Variants in CCDC73 observed in about 807,000 individuals in gnomAD.
The protein encoded by CCDC73 is coiled-coil domain-containing protein 73.
A neutral mutation model predicts 116.5 loss-of-function variants in CCDC73; 95 were observed. That is an observed-to-expected ratio of 0.82 (90% CI 0.69 to 0.97). The LOEUF is 0.97. Ranked by LOEUF, CCDC73 falls within the 50% of genes least tolerant of loss-of-function variation. CCDC73 has a pLI of 0.00. For synonymous variants in CCDC73, 398 were observed against 401.3 expected, an observed-to-expected ratio of 0.99 and a Z score of 0.10; for missense variants, 1,066 against 1,206.8, an observed-to-expected ratio of 0.88 and a Z score of 1.73.
At chr11:32,767,486 T>C (rs1180461725) in intron 1 of CCDC73, among the ~76,000 whole-genome samples, 1 of 152,114 alleles carries the variant, frequency 6.6e-6, no homozygotes, top group Non-Finnish European at 1.5e-5. Flanking sequence ...CTAATTAAAC[T>C]AAAGAGTTTC....
Position 32,718,996 on chromosome 11 carries a change from T to TCCA in CCDC73, c.136-852_136-850dup, listed in dbSNP as rs561931137. Among the ~76,000 whole-genome samples, 79 of 152,070 alleles carry TCCA rather than the reference T, an allele frequency of 5.2e-4. 1 individual carries two copies. In the South Asian group the frequency reaches 0.013, roughly 25 times the overall value. On this transcript the variant is annotated intron_variant, in intron 2 of 17. Transcript: ENST00000335185. Reference sequence around the variant, plus strand: ...AGAGAACGCCCTTCTTCCCCTATCTTCCACCACCACCACCATGCCAATAAG... The same window carrying TCCA: ...AGAGAACGCCCTTCTTCCCCTATCTTCCACCACCACCACCACCATGCCAATAAG...
chr11:32,825,112 C>G, the CCDC73 span, among the ~76,000 whole-genome samples: 3 of 152,012 alleles, frequency 2.0e-5, no homozygotes, highest in African/African-American at 7.2e-5. Flanking sequence ...ACAAAACTCT[C>G]AGTTTACACT....
At chr11:32,673,399 T>C (rs1433409053) in intron 9 of CCDC73, among the ~76,000 whole-genome samples, 3 of 152,008 alleles carry the variant, frequency 2.0e-5, no homozygotes, top group Non-Finnish European at 4.4e-5. Context: ...TTAATTAAAA[T>C]ATATTAAATT....
chr11:32,741,164 T>C (rs1159572482), intron 2 of CCDC73, among the ~76,000 whole-genome samples: 3 of 152,174 alleles, frequency 2.0e-5, no homozygotes, highest in African/African-American at 7.2e-5. Flanking sequence ...GATGAAATGT[T>C]CTATAAGTAC....
chr11:32,677,246 T>C (rs751968320), intron 7 of CCDC73, among the ~76,000 whole-genome samples: 2 of 152,174 alleles, frequency 1.3e-5, no homozygotes, highest in Admixed American at 6.5e-5. Context: ...CCATTTCCCT[T>C]ACCTAACAGC....
intron 2 of CCDC73, among the ~76,000 whole-genome samples, chr11:32,724,014 T>G (rs1850011405): frequency 6.6e-6 from 1 of 152,110 alleles, no homozygotes; most frequent in Non-Finnish European, 1.5e-5. Context: ...TCTAATGCTA[T>G]TTTTCTGCAA....
chr11:32,676,948 C>CT (rs1856094367), intron 7 of CCDC73, among the ~76,000 whole-genome samples: 1 of 152,192 alleles, frequency 6.6e-6, no homozygotes, highest in Admixed American at 6.5e-5. Flanking sequence ...AGGAACTACT[C>CT]TTACCATACC....
intron 1 of CCDC73, among the ~76,000 whole-genome samples, chr11:32,777,649 C>CT (rs1850549281): frequency 6.6e-6 from 1 of 151,916 alleles, no homozygotes; most frequent in Non-Finnish European, 1.5e-5. Flanking sequence ...ACTATTGAGA[C>CT]TTTTTAGAAG....
At chr11:32,747,443 G>A (rs1565091994) in intron 2 of CCDC73, among the ~76,000 whole-genome samples, 1 of 152,170 alleles carries the variant, frequency 6.6e-6, no homozygotes, top group Non-Finnish European at 1.5e-5. Context: ...CATGCTGGCG[G>A]AACCAATGAT....
At chr11:32,807,305 T>C in the CCDC73 span, among the ~76,000 whole-genome samples, 1 of 152,114 alleles carries the variant, frequency 6.6e-6, no homozygotes, top group Non-Finnish European at 1.5e-5. Context: ...ATCACGACCC[T>C]CACTCTTTCG....
intron 14 of CCDC73, among the ~76,000 whole-genome samples, chr11:32,635,298 C>T (rs191771659): frequency 2.0e-5 from 3 of 152,138 alleles, no homozygotes; most frequent in East Asian, 1.9e-4. Context: ...GACTTAGCTA[C>T]GTTTTATAGC....
intron 9 of CCDC73, among the ~76,000 whole-genome samples, chr11:32,663,166 T>C (rs1221855441): frequency 1.3e-5 from 2 of 152,166 alleles, no homozygotes; most frequent in Non-Finnish European, 2.9e-5. Context: ...GTCTTGGCAA[T>C]GCGTGTCTTT....
In CCDC73 at chr11:32,728,037, A is replaced by T. The variant is rs1850044185; in HGVS notation, c.136-9890T>A. 2.0e-5 allele frequency among the ~76,000 whole-genome samples: 3 copies of T among 152,002 alleles called. No individual in the cohort carries two copies. The South Asian group carries it at 6.2e-4, about 32-fold the overall frequency. On this transcript the variant is annotated intron_variant, in intron 2 of 17. Transcript: ENST00000335185. Reference sequence around the variant, plus strand: ...GAGGCTGAGGCAGGTGGATCGCTTGAGGCTATGAGTTTGAGACTAGTCTGA... The same window carrying T: ...GAGGCTGAGGCAGGTGGATCGCTTGTGGCTATGAGTTTGAGACTAGTCTGA...
intron 9 of CCDC73, among the ~76,000 whole-genome samples, chr11:32,671,076 A>G (rs1856033736): frequency 6.6e-6 from 1 of 152,158 alleles, no homozygotes; most frequent in African/African-American, 2.4e-5. Flanking sequence ...CTGTTTTCTA[A>G]CCATTTTATT....
chr11:32,693,142 A>G (rs531402714), intron 6 of CCDC73, among the ~76,000 whole-genome samples: 1 of 152,368 alleles, frequency 6.6e-6, no homozygotes, highest in South Asian at 2.1e-4. Flanking sequence ...TCCATAAGAG[A>G]GGGCACTATC....
chr11:32,827,736 G>C, the CCDC73 span, among the ~76,000 whole-genome samples: 1 of 152,190 alleles, frequency 6.6e-6, no homozygotes, highest in African/African-American at 2.4e-5. Flanking sequence ...GAATAAGTCA[G>C]TTCTTGCACT....
chr11:32,739,642 C>T (rs935108928), intron 2 of CCDC73, among the ~76,000 whole-genome samples: 1 of 152,128 alleles, frequency 6.6e-6, no homozygotes, highest in Non-Finnish European at 1.5e-5. Flanking sequence ...CATCTGCAAA[C>T]AAGGATAATT....
intron 14 of CCDC73, among the ~76,000 whole-genome samples, chr11:32,617,880 A>C (rs1248601051): frequency 6.6e-6 from 1 of 152,208 alleles, no homozygotes; most frequent in Non-Finnish European, 1.5e-5. Flanking sequence ...TTGTCTTTTA[A>C]ATAATTCCAA....
chr11:32,743,291 G>GGAATGTTCT (rs1850206209), intron 2 of CCDC73, among the ~76,000 whole-genome samples: 1 of 152,136 alleles, frequency 6.6e-6, no homozygotes, highest in African/African-American at 2.4e-5. Flanking sequence ...CCATGAGCAT[G>GGAATGTTCT]TAAAAGAATA....
Sources: allele counts gnomAD v4.1 joint callset (sites outside exome capture counted in the v4.1 genomes callset), GRCh38; gene constraint gnomAD v4.1.1; transcripts MANE v1.5; gene names NCBI Gene and HGNC (gene_info 2026-07-23, HGNC 2026-07-21).